PRH2: variants seen among roughly 807,000 people sequenced by gnomAD.
PRH2 encodes the protein proline rich protein HaeIII subfamily 2.
PRH2 carries 19 observed loss-of-function variants against 22.6 expected under a neutral mutation model. The ratio of observed to expected loss-of-function variants is 0.84; its 90% CI spans 0.59 to 1.23. The LOEUF (loss-of-function observed/expected upper bound fraction) is 1.23. Ranked by LOEUF, PRH2 falls within the 50% of genes most tolerant of loss-of-function variation. The probability of loss-of-function intolerance (pLI) is 0.00; values close to 1 mark genes in which losing one functional copy is unlikely to be tolerated. For missense variants in PRH2, 109 were observed against 203.0 expected (o/e 0.54, Z 2.81); for synonymous variants, 45 against 72.0 (o/e 0.63, Z 1.90).
At chr12:10,931,208 G>C in intron 3 of PRH2, 128 bp downstream of exon 3, 1 of 1,515,270 alleles carries the variant, frequency 6.6e-7, no homozygotes, top group Non-Finnish European at 8.8e-7. Flanking sequence ...CATGAGTTTT[G>C]TTCAAATATT....
At chr12:10,930,639 T>C in intron 2 of PRH2, 23 bp from the exon 3 acceptor site, 1 of 1,613,154 alleles carries the variant, frequency 6.2e-7, no homozygotes, top group African/African-American at 1.3e-5. Context: ...TGAGCTCAGC[T>C]CTTCTTGTTT....
chr12:10,934,191 G>T lies in PRH2; in HGVS notation c.*1984G>T, dbSNP rs1188745761. ...TTTACTCTAAGTTATTTCCACTTCT[G>T]ATTTTAAGAACAGCTTCTTTCCCAG... On this transcript the variant is annotated 3_prime_UTR_variant, in exon 4 of 4. Transcript: ENST00000396400. Among the ~76,000 whole-genome samples, 1 of 152,078 alleles carries T rather than the reference G, an allele frequency of 6.6e-6. No individual in the cohort carries two copies. Among genetic ancestry groups the T allele is most frequent in the African/African-American group, 2.4e-5 (1 of 41,430 alleles).
chr12:10,931,099 A>T lies in PRH2; in HGVS notation c.*18+19A>T, dbSNP rs1257409292. 1.9e-6 allele frequency: 3 copies of T among 1,570,786 alleles called. No individual in the cohort carries two copies. The highest frequency in any genetic ancestry group is 2.6e-6 in the Non-Finnish European group (3 of 1,165,140). Reference sequence around the variant, plus strand: ...ATGATAGGTATGATTCCAGTTTATTATCCATCAAAGGCTCCAACTGCTACA... The same window carrying T: ...ATGATAGGTATGATTCCAGTTTATTTTCCATCAAAGGCTCCAACTGCTACA... On this transcript the variant is annotated intron_variant, in intron 3 of 3. Coordinates refer to ENST00000396400, the MANE Select transcript of PRH2 (RefSeq NM_001110213.1).
Position 10,933,557 on chromosome 12 carries a change from A to G in PRH2, c.*1350A>G, listed in dbSNP as rs1565481143. 6.6e-6 allele frequency among the ~76,000 whole-genome samples: 1 copy of G among 152,114 alleles called. No homozygotes were observed. The highest frequency in any genetic ancestry group is 1.5e-5 in the Non-Finnish European group (1 of 67,956). On this transcript the variant is annotated 3_prime_UTR_variant, in exon 4 of 4. Transcript: ENST00000396400. Reference sequence around the variant, plus strand: ...AGCAGACTTGATTCCAGGAATGTTAAGGAATGTTCATTATTTGTTTTGGAT... The same window carrying G: ...AGCAGACTTGATTCCAGGAATGTTAGGGAATGTTCATTATTTGTTTTGGAT...
In PRH2 at chr12:10,930,347, C is replaced by T. The variant is rs769408027; in HGVS notation, c.100+43C>T. The T allele has an allele frequency of 5.6e-5, 89 of 1,594,742 alleles. 1 individual carries two copies. The South Asian group carries it at 8.4e-4, about 15-fold the overall frequency. On this transcript the variant is annotated intron_variant, in intron 2 of 3. Transcript: ENST00000396400. ...CTCAGTAAACTCTGTCTCCATTTTT[C>T]CCTGAAAAATTGATCAGTTCTCCAG...
rs1392998652 is a variant in PRH2 at position 10,933,413 on chromosome 12, G to A, written c.*1206G>A. Among the ~76,000 whole-genome samples, 1 of 151,836 alleles carries A rather than the reference G, an allele frequency of 6.6e-6. No individual in the cohort carries two copies. Among genetic ancestry groups the A allele is most frequent in the Non-Finnish European group, 1.5e-5 (1 of 67,876 alleles). ...TTTATACAAAATGCTGAAAAGAAGA[G>A]AAATACCCCAAGTTCTTGAAAAAAA... On this transcript the variant is annotated 3_prime_UTR_variant, in exon 4 of 4. Transcript: ENST00000396400.
chr12:10,931,989 G>C (rs1401273677), intron 3 of PRH2, among the ~76,000 whole-genome samples: 1 of 152,162 alleles, frequency 6.6e-6, no homozygotes, highest in Admixed American at 6.6e-5. Context: ...CAGCCACAAA[G>C]CATGAACAAC....
rs12319023 is a variant in PRH2 at position 10,933,828 on chromosome 12, A to G, written c.*1621A>G. 5.4e-3 allele frequency among the ~76,000 whole-genome samples: 823 copies of G among 152,262 alleles called. 6 individuals carry two copies. The highest frequency in any genetic ancestry group is 0.018 in the African/African-American group (750 of 41,582). On this transcript the variant is annotated 3_prime_UTR_variant, in exon 4 of 4. Coordinates refer to ENST00000396400, the MANE Select transcript of PRH2 (RefSeq NM_001110213.1). ...GCTTGTCAATGTTGTGGATAATTAG[A>G]AAGTGAATAATTTTATTTAATATTA... is the stretch of plus-strand genomic sequence containing the variant.
In PRH2 at chr12:10,934,202, C is replaced by T. The variant is rs902995745; in HGVS notation, c.*1995C>T. On this transcript the variant is annotated 3_prime_UTR_variant, in exon 4 of 4. Coordinates refer to ENST00000396400, the MANE Select transcript of PRH2 (RefSeq NM_001110213.1). ...TTATTTCCACTTCTGATTTTAAGAA[C>T]AGCTTCTTTCCCAGGGATGGGTTCC... is the stretch of plus-strand genomic sequence containing the variant. Among the ~76,000 whole-genome samples the T allele has an allele frequency of 9.9e-5, 15 of 152,106 alleles. No individual in the cohort carries two copies. Among genetic ancestry groups the T allele is most frequent in the Admixed American group, 9.8e-4 (15 of 15,268 alleles).
rs1461054567 is a variant in PRH2, at chr12:10,933,133, G to T, written c.*926G>T. 6.6e-6 allele frequency among the ~76,000 whole-genome samples: 1 copy of T among 152,040 alleles called. No homozygotes were observed. Among genetic ancestry groups the T allele is most frequent in the Non-Finnish European group, 1.5e-5 (1 of 67,976 alleles). ...AACAGATAATCTTCAGAGTAATCAG[G>T]TAAAGCTTAAACAAGTGTTTTAAAA... is the stretch of plus-strand genomic sequence containing the variant. On this transcript the variant is annotated 3_prime_UTR_variant, in exon 4 of 4. Transcript: ENST00000396400.
rs931914286 is a variant in PRH2 at position 10,933,146 on chromosome 12, A to C, written c.*939A>C. On this transcript the variant is annotated 3_prime_UTR_variant, in exon 4 of 4. Coordinates refer to ENST00000396400, the MANE Select transcript of PRH2 (RefSeq NM_001110213.1). The stretch of plus-strand genomic sequence containing the variant: ...CAGAGTAATCAGGTAAAGCTTAAAC[A>C]AGTGTTTTAAAAGATGAGTTTTTCC... Among the ~76,000 whole-genome samples the C allele has an allele frequency of 6.6e-6, 1 of 152,128 alleles. No individual in the cohort carries two copies. The highest frequency in any genetic ancestry group is 2.1e-4 in the South Asian group (1 of 4,832).
Position 10,930,703 on chromosome 12 carries a change from G to A in PRH2, c.142G>A (p.Gly48Arg), listed in dbSNP as rs774818644. ...SEQFIDEERQ[G>R]PPLGGQQSQP... Reference sequence around the variant, plus strand: ...GCAGTTCATAGATGAGGAGCGTCAGGGACCACCTTTGGGAGGACAGCAATC... The same window carrying A: ...GCAGTTCATAGATGAGGAGCGTCAGAGACCACCTTTGGGAGGACAGCAATC... The change falls in exon 3 of 4, where the codon GGA (glycine) becomes AGA (arginine). Residue 48 changes from glycine (G) to arginine (R), a missense_variant. This residue lies in a region of PRH2 where 54 missense variants were observed against 60.5 expected (regional missense o/e 0.89). Transcript: ENST00000396400. The A allele has an allele frequency of 6.2e-7, 1 of 1,613,690 alleles. No homozygotes were observed. The highest frequency in any genetic ancestry group is 8.5e-7 in the Non-Finnish European group (1 of 1,179,838).
chr12:10,930,260 CT>C lies in PRH2; in HGVS notation c.65-5del. 1 of 1,612,822 alleles carries C rather than the reference CT, an allele frequency of 6.2e-7. No individual in the cohort carries two copies. Among genetic ancestry groups the C allele is most frequent in the Non-Finnish European group, 8.5e-7 (1 of 1,178,798 alleles). On this transcript the variant is annotated splice_polypyrimidine_tract_variant and splice_region_variant and intron_variant, in intron 1 of 3. Coordinates refer to ENST00000396400, the MANE Select transcript of PRH2 (RefSeq NM_001110213.1). ...TAACTTTTCCCATCATCCTGTACTT[CT>C]TTTCTAGATGTCAGCCAAGAAGACG... is the stretch of plus-strand genomic sequence containing the variant.
In PRH2 at chr12:10,934,131, T is replaced by G. The variant is rs188814899; in HGVS notation, c.*1924T>G. On this transcript the variant is annotated 3_prime_UTR_variant, in exon 4 of 4. Coordinates refer to ENST00000396400, the MANE Select transcript of PRH2 (RefSeq NM_001110213.1). ...GAACCAAAAGGCCTAGTCTTCGAAT[T>G]TTTAATGCCATTGTGATAGCAAGCA... Among the ~76,000 whole-genome samples the G allele has an allele frequency of 1.1e-3, 167 of 152,308 alleles. No homozygotes were observed. The highest frequency in any genetic ancestry group is 3.8e-3 in the African/African-American group (156 of 41,570).
chr12:10,932,180 T>C, intron 3 of PRH2, 46 bp from the exon 4 acceptor site: 1 of 426,682 alleles, frequency 2.3e-6, no homozygotes, highest in Non-Finnish European at 4.9e-6. Flanking sequence ...ATTAGACATT[T>C]CCTGCCATGT....
intron 2 of PRH2, 100 bp downstream of exon 2, chr12:10,930,404 T>A: frequency 6.6e-7 from 1 of 1,513,488 alleles, no homozygotes; most frequent in Non-Finnish European, 9.2e-7. Context: ...AGGAATTGGC[T>A]AATATCAGTG....
At chr12:10,929,780 T>G (rs1367914820) in intron 1 of PRH2, among the ~76,000 whole-genome samples, 1 of 152,214 alleles carries the variant, frequency 6.6e-6, no homozygotes, top group Non-Finnish European at 1.5e-5. Flanking sequence ...CACTTGCCTC[T>G]GTCTACATAG....
chr12:10,931,509 A>G (rs1424102969), intron 3 of PRH2, among the ~76,000 whole-genome samples: 2 of 152,160 alleles, frequency 1.3e-5, no homozygotes, highest in Non-Finnish European at 2.9e-5. Flanking sequence ...GTTAAATGGT[A>G]TCTCATTTTT....
intron 3 of PRH2, 167 bp downstream of exon 3, chr12:10,931,247 T>TAAAC (rs1231868870): frequency 7.1e-7 from 1 of 1,411,930 alleles, no homozygotes; most frequent in African/African-American, 1.4e-5. Flanking sequence ...ATCTTGTTTT[T>TAAAC]AAACAATCTC....
Sources: allele counts gnomAD v4.1 joint callset (sites outside exome capture counted in the v4.1 genomes callset), GRCh38; gene constraint gnomAD v4.1.1; regional missense constraint gnomAD v4.1.1; transcripts MANE v1.5; gene names NCBI Gene and HGNC (gene_info 2026-07-23, HGNC 2026-07-21).